PPP2R2B: variants seen among roughly 807,000 people sequenced by gnomAD.
PPP2R2B encodes the protein serine/threonine-protein phosphatase 2A 55 kDa regulatory subunit B beta isoform.
In PPP2R2B, 5 loss-of-function variants were observed where a neutral mutation model predicts 46.0. That is an observed-to-expected ratio of 0.11 (90% CI 0.06 to 0.23). The LOEUF is 0.23. Ranked by LOEUF, PPP2R2B falls within the 10% of genes least tolerant of loss-of-function variation. PPP2R2B has a pLI of 1.00. For synonymous variants in PPP2R2B, 215 were observed against 206.7 expected (o/e 1.04, Z -0.34); for missense variants, 367 against 575.0 (o/e 0.64, Z 3.70).
Position 146,717,279 on chromosome 5 carries a change from T to C in PPP2R2B, c.71-16137A>G, listed in dbSNP as rs868160983. Among the ~76,000 whole-genome samples, 7 of 152,354 alleles carry C rather than the reference T, an allele frequency of 4.6e-5. No individual in the cohort carries two copies. The South Asian group carries it at 1.0e-3, about 23-fold the overall frequency. On this transcript the variant is annotated intron_variant, in intron 2 of 9. Transcript: ENST00000394411. ...GGAGAGGAGTGAAAATCAGATCACA[T>C]TTCCATACCTCCAAGGACTCTATTT...
chr5:146,940,819 A>T (rs1307439517), intron 1 of PPP2R2B, among the ~76,000 whole-genome samples: 2 of 152,224 alleles, frequency 1.3e-5, no homozygotes, highest in Non-Finnish European at 2.9e-5. Context: ...ATGAGCATCC[A>T]AACAGGTATG....
intron 2 of PPP2R2B, among the ~76,000 whole-genome samples, chr5:146,828,261 TA>T (rs1218241360): frequency 1.3e-3 from 193 of 147,378 alleles, no homozygotes; most frequent in Admixed American, 1.6e-3. Context: ...TTACTTTTTT[TA>T]AAAAAAAAAA....
intron 2 of PPP2R2B, among the ~76,000 whole-genome samples, chr5:146,863,324 C>G (rs560062641): frequency 6.6e-6 from 1 of 152,238 alleles, no homozygotes; most frequent in South Asian, 2.1e-4. Flanking sequence ...CTGTCCTAAT[C>G]TCTTCTGATA....
intron 1 of PPP2R2B, among the ~76,000 whole-genome samples, chr5:146,942,294 T>C (rs1436308040): frequency 1.3e-5 from 2 of 152,164 alleles, no homozygotes; most frequent in Non-Finnish European, 2.9e-5. Flanking sequence ...AAAGAAGAAA[T>C]TAAAAATCAT....
Position 146,943,627 on chromosome 5 carries a change from C to A in PPP2R2B, c.79+112038G>T, listed in dbSNP as rs186610062. Among the ~76,000 whole-genome samples, 277 of 151,996 alleles carry A rather than the reference C, an allele frequency of 1.8e-3. 1 individual carries two copies. Among genetic ancestry groups the A allele is most frequent in the African/African-American group, 6.3e-3 (261 of 41,486 alleles). ...ATTACTTGCCAACCATCTTTCAACT[C>A]TTTAGAATGGACTTGATGTTAAGAC... On this transcript the variant is annotated intron_variant, in intron 1 of 8. Coordinates refer to the PPP2R2B transcript ENST00000336640.
intron 1 of PPP2R2B, among the ~76,000 whole-genome samples, chr5:146,899,367 C>T (rs1017809765): frequency 5.4e-5 from 8 of 147,942 alleles, no homozygotes; most frequent in East Asian, 4.0e-4. Flanking sequence ...AGTAAACTAT[C>T]GCAAGAACAA....
At chr5:147,032,842 A>G (rs1755855894) in intron 1 of PPP2R2B, among the ~76,000 whole-genome samples, 1 of 152,146 alleles carries the variant, frequency 6.6e-6, no homozygotes, top group African/African-American at 2.4e-5. Context: ...TCTTTTTCGA[A>G]TAATGACTTC....
chr5:146,800,982 G>A (rs1756831338), intron 2 of PPP2R2B, among the ~76,000 whole-genome samples: 1 of 151,706 alleles, frequency 6.6e-6, no homozygotes, highest in Admixed American at 6.6e-5. Flanking sequence ...GTATACACTG[G>A]GATATCATTC....
At chr5:146,844,025 C>T (rs1759827919) in intron 2 of PPP2R2B, among the ~76,000 whole-genome samples, 1 of 152,020 alleles carries the variant, frequency 6.6e-6, no homozygotes, top group South Asian at 2.1e-4. Flanking sequence ...GGAATCGCCA[C>T]ACTGACTTCC....
chr5:146,831,707 T>C (rs1249517226), intron 2 of PPP2R2B, among the ~76,000 whole-genome samples: 1 of 152,168 alleles, frequency 6.6e-6, no homozygotes, highest in Admixed American at 6.5e-5. Context: ...AGGAGAATCC[T>C]TGAACCTGGG....
chr5:146,969,422 A>T (rs1220021706), intron 1 of PPP2R2B, among the ~76,000 whole-genome samples: 1 of 152,228 alleles, frequency 6.6e-6, no homozygotes, highest in Non-Finnish European at 1.5e-5. Flanking sequence ...GAGAGTACAA[A>T]GCCAGGACAT....
chr5:146,653,315 G>A (rs1045670011), intron 5 of PPP2R2B, among the ~76,000 whole-genome samples: 1 of 152,184 alleles, frequency 6.6e-6, no homozygotes, highest in Non-Finnish European at 1.5e-5. Context: ...AATAACTAGT[G>A]TTACTGGTAG....
chr5:146,991,760 A>G (rs1753708027), intron 1 of PPP2R2B, among the ~76,000 whole-genome samples: 1 of 152,096 alleles, frequency 6.6e-6, no homozygotes, highest in South Asian at 2.1e-4. Flanking sequence ...AATCAAGAGA[A>G]CAACCATATT....
At position 146,929,394 on chromosome 5, in the gene PPP2R2B, T is replaced by C. The variant is rs373992116; in HGVS notation, c.79+126271A>G. ...ATCTGTTGAACGAACAAGTCAGCAG[T>C]GGTTCTATGGTTCTGATATAGTTTT... On this transcript the variant is annotated intron_variant, in intron 1 of 8. Coordinates refer to the PPP2R2B transcript ENST00000336640. Among the ~76,000 whole-genome samples, 4 of 152,228 alleles carry C rather than the reference T, an allele frequency of 2.6e-5. No individual in the cohort carries two copies. In the East Asian group the frequency reaches 5.8e-4, roughly 22 times the overall value.
intron 2 of PPP2R2B, among the ~76,000 whole-genome samples, chr5:146,853,290 A>T (rs1055137741): frequency 6.6e-6 from 1 of 152,178 alleles, no homozygotes; most frequent in African/African-American, 2.4e-5. Flanking sequence ...CAACCACGTG[A>T]TTCATGCCCC....
intron 1 of PPP2R2B, among the ~76,000 whole-genome samples, chr5:146,950,686 C>A (rs1485369785): frequency 2.0e-5 from 3 of 151,990 alleles, no homozygotes; most frequent in Non-Finnish European, 4.4e-5. Context: ...ACTCTAAGTG[C>A]TGGACCTAAC....
intron 7 of PPP2R2B, among the ~76,000 whole-genome samples, chr5:146,621,836 T>C (rs1773721982): frequency 6.6e-6 from 1 of 152,206 alleles, no homozygotes. Context: ...GCAAGCACTT[T>C]TGCTTAATGA....
intron 2 of PPP2R2B, among the ~76,000 whole-genome samples, chr5:146,713,931 T>C (rs1024479786): frequency 1.3e-5 from 2 of 152,000 alleles, no homozygotes; most frequent in Non-Finnish European, 2.9e-5. Flanking sequence ...GGAGAGGGGA[T>C]TGAGCTGGTG....
At chr5:146,590,557 A>C (rs1200583110) in intron 9 of PPP2R2B, among the ~76,000 whole-genome samples, 1 of 152,118 alleles carries the variant, frequency 6.6e-6, no homozygotes, top group Non-Finnish European at 1.5e-5. Flanking sequence ...TAATGATCCC[A>C]GTCCTACCTA....
Sources: gnomAD v4.1 joint callset for allele counts (sites outside exome capture counted in the v4.1 genomes callset) on GRCh38, gnomAD v4.1.1 for gene constraint, MANE v1.5 for transcripts, NCBI Gene and HGNC (gene_info 2026-07-23, HGNC 2026-07-21) for gene names.